MID1: variants seen among roughly 807,000 people sequenced by gnomAD.
MID1 encodes the protein midline 1, also known as E3 ubiquitin-protein ligase Midline-1.
A neutral mutation model predicts 40.4 loss-of-function variants in MID1; 7 were observed. That is an observed-to-expected ratio of 0.17 (90% CI 0.10 to 0.33). The LOEUF is 0.33. Among genes scored for constraint, MID1 ranks in the 10% least tolerant of loss-of-function variants. The pLI, the probability that MID1 is intolerant of heterozygous loss-of-function variation, is 1.00. For synonymous variants in MID1, 229 were observed against 221.2 expected (o/e 1.04, Z -0.31); for missense variants, 367 against 558.5 (o/e 0.66, Z 3.46).
chrX:10,712,424 C>T (rs1363228687), intron 1 of MID1, among the ~76,000 whole-genome samples: 4 of 111,117 alleles, frequency 3.6e-5, no homozygotes, highest in African/African-American at 9.8e-5. Flanking sequence ...AAGGGAAGAA[C>T]ACCTCAAGTG....
chrX:10,637,990 G>A (rs1168111875), intron 1 of MID1, among the ~76,000 whole-genome samples: 1 of 112,376 alleles, frequency 8.9e-6, no homozygotes, highest in Non-Finnish European at 1.9e-5. Flanking sequence ...AGTACAGAGA[G>A]TAATGTCGGC....
At chrX:10,616,613 A>C in intron 1 of MID1, among the ~76,000 whole-genome samples, 1 of 112,602 alleles carries the variant, frequency 8.9e-6, no homozygotes. Context: ...AACTTGCTGG[A>C]ATGTCTGTGG....
rs1440465689 is a variant in MID1 at position 10,463,172 on chromosome X, CTA to C, written c.1286-3367_1286-3366del. 2.7e-5 allele frequency among the ~76,000 whole-genome samples: 3 copies of C among 111,174 alleles called. No individual in the cohort carries two copies. In the Admixed American group the frequency reaches 2.8e-4, roughly 11 times the overall value. On this transcript the variant is annotated intron_variant, in intron 7 of 9. Transcript: ENST00000317552. ...TTCATTAACATCTATAGTCATAACT[CTA>C]TTAACAAAAATAAAAAATAAAAATT...
intron 9 of MID1, among the ~76,000 whole-genome samples, chrX:10,451,132 G>T (rs1928309820): frequency 9.0e-6 from 1 of 111,393 alleles, no homozygotes; most frequent in African/African-American, 3.3e-5. Flanking sequence ...AATCTGCCAA[G>T]CCCAGTGTGC....
At chrX:10,809,880 C>A (rs911269860) in intron 1 of MID1, among the ~76,000 whole-genome samples, 4 of 109,460 alleles carry the variant, frequency 3.7e-5, no homozygotes, top group African/African-American at 1.3e-4. Context: ...CAAACCTGCA[C>A]GTTGTGCACA....
intron 1 of MID1, among the ~76,000 whole-genome samples, chrX:10,642,689 T>A (rs1936214303): frequency 9.1e-6 from 1 of 110,205 alleles, no homozygotes; most frequent in South Asian, 3.8e-4. Flanking sequence ...GAACCAAAAA[T>A]GAGCCCACAT....
chrX:10,460,055 G>A (rs967906676), intron 7 of MID1: 65 of 417,328 alleles, frequency 1.6e-4, no homozygotes, highest in Non-Finnish European at 2.6e-4. Flanking sequence ...CTAAAGAGGT[G>A]CAATATATTT....
At chrX:10,762,257 C>T (rs1205386158) in intron 1 of MID1, among the ~76,000 whole-genome samples, 3 of 111,366 alleles carry the variant, frequency 2.7e-5, no homozygotes, top group South Asian at 3.8e-4. Flanking sequence ...CATTTTCTTC[C>T]GGTTTTACTT....
chrX:10,584,614 C>A (rs1935095401), intron 1 of MID1, among the ~76,000 whole-genome samples: 1 of 112,698 alleles, frequency 8.9e-6, no homozygotes, highest in African/African-American at 3.2e-5. Flanking sequence ...CACTGGCTGA[C>A]AGCCAATGTC....
intron 7 of MID1, among the ~76,000 whole-genome samples, chrX:10,461,138 TAC>T (rs200040870): frequency 0.041 from 3,994 of 96,495 alleles, 82 homozygotes; most frequent in Non-Finnish European, 0.048. Flanking sequence ...TATCTAAAGA[TAC>T]ACACACACAC....
chrX:10,706,442 G>A (rs1400016479), intron 1 of MID1, among the ~76,000 whole-genome samples: 1 of 110,748 alleles, frequency 9.0e-6, no homozygotes, highest in African/African-American at 3.3e-5. Context: ...CTGGTGGGAG[G>A]AAACTGAATC....
chrX:10,807,454 C>T (rs2044056224), intron 1 of MID1, among the ~76,000 whole-genome samples: 1 of 111,305 alleles, frequency 9.0e-6, no homozygotes, highest in African/African-American at 3.3e-5. Context: ...TATTGGCCAT[C>T]CTGGGCTCTT....
At chrX:10,741,423 TAAC>T (rs987038208) in intron 1 of MID1, among the ~76,000 whole-genome samples, 2 of 109,016 alleles carry the variant, frequency 1.8e-5, no homozygotes, top group Non-Finnish European at 3.8e-5. Flanking sequence ...AAGTAAGTGA[TAAC>T]AACACAGGAC....
At chrX:10,798,067 G>A (rs966651158) in intron 1 of MID1, among the ~76,000 whole-genome samples, 11 of 112,140 alleles carry the variant, frequency 9.8e-5, no homozygotes, top group Non-Finnish European at 1.9e-4. Context: ...AGACCAAAGC[G>A]GGCATGGCAG....
chrX:10,506,076 G>A, intron 3 of MID1: 1 of 794,172 alleles, frequency 1.3e-6, no homozygotes, highest in Non-Finnish European at 1.5e-6. Context: ...ACCCACAAGT[G>A]ATATCTATGA....
At chrX:10,540,157 TG>T (rs1475259517) in intron 2 of MID1, among the ~76,000 whole-genome samples, 2 of 111,890 alleles carry the variant, frequency 1.8e-5, no homozygotes, top group African/African-American at 3.3e-5. Context: ...GCCAAGATTG[TG>T]CTACTGCACT....
chrX:10,487,785 C>T (rs1930702872), intron 4 of MID1, among the ~76,000 whole-genome samples: 1 of 111,291 alleles, frequency 9.0e-6, no homozygotes, highest in African/African-American at 3.3e-5. Flanking sequence ...CTTTCACGCA[C>T]CTTAATTATA....
chrX:10,726,879 G>C (rs2043395496), intron 1 of MID1, among the ~76,000 whole-genome samples: 1 of 112,718 alleles, frequency 8.9e-6, no homozygotes, highest in Admixed American at 9.4e-5. Flanking sequence ...GGCTACACAG[G>C]AATCAGTGGG....
chrX:10,745,532 C>T (rs950311673), intron 1 of MID1, among the ~76,000 whole-genome samples: 5 of 112,486 alleles, frequency 4.4e-5, no homozygotes, highest in African/African-American at 1.6e-4. Context: ...TCATTCTTAG[C>T]TGTAAAGAAT....
Sources: allele counts gnomAD v4.1 joint callset (sites outside exome capture counted in the v4.1 genomes callset), GRCh38; gene constraint gnomAD v4.1.1; transcripts MANE v1.5; gene names NCBI Gene and HGNC (gene_info 2026-07-23, HGNC 2026-07-21).